The following HERC5 variants were observed in gnomAD, a reference collection of about 807,000 sequenced individuals.
HERC5 encodes the protein HECT and RLD domain containing E3 ubiquitin protein ligase 5.
HERC5 carries 99 observed loss-of-function variants against 119.6 expected under a neutral mutation model. That is an observed-to-expected ratio of 0.83 (90% CI 0.70 to 0.98). HERC5 has a LOEUF of 0.98. Ranked by LOEUF, HERC5 falls within the 50% of genes least tolerant of loss-of-function variation. The pLI, the probability that HERC5 is intolerant of heterozygous loss-of-function variation, is 0.00. For synonymous variants in HERC5, 478 were observed against 445.9 expected, an observed-to-expected ratio of 1.07 and a Z score of -0.91; for missense variants, 1,267 against 1,241.3, an observed-to-expected ratio of 1.02 and a Z score of -0.31.
chr4:88,484,252 C>T (rs1218739561), intron 13 of HERC5, among the ~76,000 whole-genome samples: 1 of 151,930 alleles, frequency 6.6e-6, no homozygotes, highest in African/African-American at 2.4e-5. Context: ...ATATATATGC[C>T]TTATAACTCA....
intron 6 of HERC5, 88 bp from the exon 7 acceptor site, chr4:88,466,971 A>T: frequency 7.8e-7 from 1 of 1,276,934 alleles, no homozygotes; most frequent in South Asian, 1.3e-5. Context: ...CTCACTGGGT[A>T]ACATAGTTTT....
chr4:88,498,958 A>C (rs1291080328), intron 18 of HERC5, among the ~76,000 whole-genome samples: 1 of 152,230 alleles, frequency 6.6e-6, no homozygotes, highest in Non-Finnish European at 1.5e-5. Flanking sequence ...ACAAAAACAA[A>C]AACAACCCAC....
chr4:88,491,380 A>C (rs1210055387), intron 16 of HERC5, among the ~76,000 whole-genome samples: 1 of 152,206 alleles, frequency 6.6e-6, no homozygotes, highest in South Asian at 2.1e-4. Context: ...GTGGTAAACA[A>C]AGTTTAAGGA....
rs751031685 is a variant in HERC5 at position 88,501,000 on chromosome 4, T to G, written c.2582+15T>G. 14 of 1,572,956 alleles carry G rather than the reference T, an allele frequency of 8.9e-6. No homozygotes were observed. The highest frequency in any genetic ancestry group is 1.2e-5 in the Non-Finnish European group (14 of 1,147,974). On this transcript the variant is annotated intron_variant, in intron 20 of 22. Transcript: ENST00000264350. ...CAGACTAACAAGTAGGTACAAAAAA[T>G]GAAATAGTTGGTTTGTATATGTACT...
rs200710850 is a variant in HERC5 at position 88,505,768 on chromosome 4, A to G, written c.2965A>G (p.Ile989Val). ...CPESWNERDP[I>V]RALTCFSVLF... ...TGAAAGTTGGAATGAAAGAGACCCT[A>G]TAAGAGCACTGACATGTTTCAGTGT... Residue 989 changes from isoleucine (I) to valine (V), a missense_variant, in exon 23 of 23, where the codon ATA (isoleucine) becomes GTA (valine). Coordinates refer to ENST00000264350, the MANE Select transcript of HERC5 (RefSeq NM_016323.4). The G allele has an allele frequency of 5.0e-6, 8 of 1,609,372 alleles. No individual in the cohort carries two copies. Among genetic ancestry groups the G allele is most frequent in the South Asian group, 3.3e-5 (3 of 90,952 alleles).
chr4:88,475,245 G>A (rs1167008409), intron 11 of HERC5, among the ~76,000 whole-genome samples: 1 of 150,324 alleles, frequency 6.7e-6, no homozygotes, highest in African/African-American at 2.4e-5. Context: ...ACTTATGACT[G>A]AGAAGGCTGT....
chr4:88,500,872 G>A, intron 19 of HERC5, 43 bp from the exon 20 acceptor site: 1 of 1,407,428 alleles, frequency 7.1e-7, no homozygotes, highest in Middle Eastern at 1.8e-4. Context: ...AGATTGTTCA[G>A]AATTATGTTG....
Position 88,480,082 on chromosome 4 carries a change from A to G in HERC5, c.1737+575A>G, listed in dbSNP as rs867859214. 1.4e-4 allele frequency among the ~76,000 whole-genome samples: 21 copies of G among 151,950 alleles called. No individual in the cohort carries two copies. In the South Asian group the frequency reaches 1.9e-3, roughly 14 times the overall value. On this transcript the variant is annotated intron_variant, in intron 13 of 22. Coordinates refer to ENST00000264350, the MANE Select transcript of HERC5 (RefSeq NM_016323.4). ...ACTCCGTCTCAAAAAAAAAAAAAAA[A>G]AAAGAAATAACCTGTGTGCTTTAGA... is the stretch of plus-strand genomic sequence containing the variant.
chr4:88,470,939 A>T lies in HERC5; in HGVS notation c.1298+266A>T, dbSNP rs577597223. 5.9e-5 allele frequency among the ~76,000 whole-genome samples: 9 copies of T among 151,874 alleles called. No individual in the cohort carries two copies. The South Asian group carries it at 8.3e-4, about 14-fold the overall frequency. On this transcript the variant is annotated intron_variant, in intron 10 of 22. Transcript: ENST00000264350. ...TTTTTTCATGCAAATGTATTCTTTT[A>T]AAAAAAATGAGATCATACTGGTTCT...
At chr4:88,498,850 CGTG>C (rs1198294383) in intron 18 of HERC5, among the ~76,000 whole-genome samples, 1 of 152,194 alleles carries the variant, frequency 6.6e-6, no homozygotes, top group Non-Finnish European at 1.5e-5. Context: ...GGATTACAGG[CGTG>C]AGCCACTGTA....
intron 18 of HERC5, among the ~76,000 whole-genome samples, chr4:88,499,209 C>T (rs1214166377): frequency 6.6e-6 from 1 of 152,184 alleles, no homozygotes; most frequent in African/African-American, 2.4e-5. Context: ...CTTCAAGTCC[C>T]AGAGTATTGG....
chr4:88,466,773 A>G (rs1279044009), intron 6 of HERC5, among the ~76,000 whole-genome samples: 1 of 152,208 alleles, frequency 6.6e-6, no homozygotes, highest in Non-Finnish European at 1.5e-5. Context: ...AGAGGTGGTG[A>G]CTCAAACTGA....
Position 88,500,987 on chromosome 4 carries a change from T to A in HERC5, c.2582+2T>A. ...CATAACTGTCAACCAGACTAACAAG[T>A]AGGTACAAAAAATGAAATAGTTGGT... On this transcript the variant is annotated splice_donor_variant, in intron 20 of 22. Transcript: ENST00000264350. LOFTEE classifies it high-confidence loss of function. 1 of 1,601,592 alleles carries A rather than the reference T, an allele frequency of 6.2e-7. No homozygotes were observed.
intron 6 of HERC5, 108 bp from the exon 7 acceptor site, chr4:88,466,951 T>C (rs1740689022): frequency 2.8e-6 from 3 of 1,056,368 alleles, no homozygotes; most frequent in Admixed American, 2.1e-5. Flanking sequence ...AAGAGATGTT[T>C]AGTTTCACTC....
At position 88,462,313 on chromosome 4, in the gene HERC5, G is replaced by A; in HGVS notation, c.645G>A (p.Trp215Ter). 1 of 1,614,160 alleles carries A rather than the reference G, an allele frequency of 6.2e-7. No homozygotes were observed. The highest frequency in any genetic ancestry group is 8.5e-7 in the Non-Finnish European group (1 of 1,180,036). ...CCATGTCTGGCAACATTTATTCATG[G>A]GGAAAAAATGAATGTGGACAACTAG... is the stretch of plus-strand genomic sequence containing the variant. Reference protein sequence around the residue: ...ALSMSGNIYSWGKNECGQLGL... With the variant: ...ALSMSGNIYS Residue 215 changes from tryptophan to a stop codon, truncating the protein, a stop_gained, in exon 4 of 23, where the codon TGG (tryptophan) becomes TGA (stop). Transcript: ENST00000264350. LOFTEE classifies it high-confidence loss of function.
chr4:88,497,050 G>A (rs978020677), intron 18 of HERC5, among the ~76,000 whole-genome samples: 1 of 152,134 alleles, frequency 6.6e-6, no homozygotes, highest in Non-Finnish European at 1.5e-5. Context: ...CGAATCTGCT[G>A]GCACTTTGAT....
In HERC5 at chr4:88,462,119, C is replaced by T. The variant is rs750581308; in HGVS notation, c.467-16C>T. On this transcript the variant is annotated splice_polypyrimidine_tract_variant and intron_variant, in intron 3 of 22. Transcript: ENST00000264350. ...TTTAAATGGAATAAAACAGCATTTG[C>T]TTTGTTTATGTCAAGGTGGTGAGCT... The T allele has an allele frequency of 1.4e-5, 23 of 1,606,660 alleles. No individual in the cohort carries two copies. Among genetic ancestry groups the T allele is most frequent in the Non-Finnish European group, 1.7e-5 (20 of 1,174,884 alleles).
intron 13 of HERC5, among the ~76,000 whole-genome samples, chr4:88,480,703 A>T (rs1273020711): frequency 6.6e-6 from 1 of 152,320 alleles, no homozygotes; most frequent in Admixed American, 6.5e-5. Context: ...CATTTTGAAA[A>T]TATTTTTGAT....
In HERC5 at chr4:88,457,477, G is replaced by A; in HGVS notation, c.208G>A (p.Gly70Arg). Residue 70 changes from glycine to arginine, a missense_variant, in exon 1 of 23, where the codon GGG becomes AGG. Physicochemically the swap from Gly to Arg is moderately radical, Grantham distance 125. Coordinates refer to ENST00000264350, the MANE Select transcript of HERC5 (RefSeq NM_016323.4). ...GCGCCTCGCGGTCTTGGAACGCGGC[G>A]GGGCGGGCGTCCAGGTTCACCAGCT... ...PGRLAVLERG[G>R]AGVQVHQLLA... 4 of 1,323,492 alleles carry A rather than the reference G, an allele frequency of 3.0e-6. No individual in the cohort carries two copies. Among genetic ancestry groups the A allele is most frequent in the Non-Finnish European group, 3.9e-6 (4 of 1,037,462 alleles). 82.0% of individuals were successfully genotyped at this position (1,323,492 alleles called of 1,614,324 possible).
Sources: gnomAD v4.1 joint callset for allele counts (sites outside exome capture counted in the v4.1 genomes callset) on GRCh38, gnomAD v4.1.1 for gene constraint, MANE v1.5 for transcripts, NCBI Gene and HGNC (gene_info 2026-07-23, HGNC 2026-07-21) for gene names.